Variants in AGBL1 observed in about 807,000 individuals in gnomAD.
The protein encoded by AGBL1 is AGBL carboxypeptidase 1.
AGBL1 carries 130 observed loss-of-function variants against 118.9 expected under a neutral mutation model. The ratio of observed to expected loss-of-function variants is 1.09; its 90% CI spans 0.95 to 1.26. The LOEUF (loss-of-function observed/expected upper bound fraction) is 1.26, where lower values mean the gene tolerates loss of function less well. Ranked by LOEUF, AGBL1 falls within the 50% of genes most tolerant of loss-of-function variation. The pLI is 0.00. For missense variants in AGBL1, 1,584 were observed against 1,298.1 expected (o/e 1.22, Z -3.38); for synonymous variants, 555 against 478.9 (o/e 1.16, Z -2.08).
chr15:86,637,657 C>T (rs1029970979), intron 21 of AGBL1, among the ~76,000 whole-genome samples: 72 of 151,966 alleles, frequency 4.7e-4, no homozygotes, highest in African/African-American at 1.7e-3. Context: ...AAGATGGTGG[C>T]TTGGAGTAGG....
chr15:86,961,925 T>A (rs565633376), intron 23 of AGBL1, among the ~76,000 whole-genome samples: 1 of 152,178 alleles, frequency 6.6e-6, no homozygotes, highest in African/African-American at 2.4e-5. Flanking sequence ...CCAGGGCTAC[T>A]AAATAGAAGG....
chr15:86,554,117 C>T (rs1297725551), intron 20 of AGBL1, among the ~76,000 whole-genome samples: 1 of 152,156 alleles, frequency 6.6e-6, no homozygotes, highest in Non-Finnish European at 1.5e-5. Context: ...GCCTCAACCT[C>T]CCAAAGTGCT....
At chr15:86,993,565 G>A (rs2081352508) in intron 24 of AGBL1, among the ~76,000 whole-genome samples, 1 of 152,158 alleles carries the variant, frequency 6.6e-6, no homozygotes, top group African/African-American at 2.4e-5. Context: ...TCTGAGGGGT[G>A]GGGTTGGTGT....
intron 6 of AGBL1, among the ~76,000 whole-genome samples, chr15:86,245,253 T>C (rs1215112205): frequency 6.6e-6 from 1 of 152,250 alleles, no homozygotes; most frequent in Non-Finnish European, 1.5e-5. Flanking sequence ...TGCACTCATA[T>C]GCACTCACAT....
At chr15:86,846,225 G>C (rs1020147201) in intron 22 of AGBL1, among the ~76,000 whole-genome samples, 1 of 152,128 alleles carries the variant, frequency 6.6e-6, no homozygotes, top group Non-Finnish European at 1.5e-5. Context: ...CTCAAGCTTT[G>C]ATTGTCTGGC....
rs949477591 is a variant in AGBL1 at position 87,005,288 on chromosome 15, C to A, written c.3323+17200C>A. Among the ~76,000 whole-genome samples, 6 of 152,312 alleles carry A rather than the reference C, an allele frequency of 3.9e-5. No homozygotes were observed. The East Asian group carries it at 7.7e-4, about 20-fold the overall frequency. On this transcript the variant is annotated intron_variant, in intron 24 of 24. Transcript: ENST00000441037. ...TGGATAATATCCTGCAGAGTGTTTT[C>A]CAACTTGGTTTCATTCTCCCTGTCA...
At chr15:86,635,478 A>G (rs2085067811) in intron 21 of AGBL1, among the ~76,000 whole-genome samples, 1 of 151,698 alleles carries the variant, frequency 6.6e-6, no homozygotes, top group South Asian at 2.1e-4. Context: ...TTAGAGGAAC[A>G]ACTCACTGTT....
chr15:86,621,316 C>T (rs2084800515), intron 21 of AGBL1, among the ~76,000 whole-genome samples: 1 of 152,190 alleles, frequency 6.6e-6, no homozygotes, highest in African/African-American at 2.4e-5. Flanking sequence ...TCTGCCGTTA[C>T]CAGCCCAAGA....
chr15:86,273,433 T>G (rs1379693237), intron 15 of AGBL1, among the ~76,000 whole-genome samples: 4 of 152,254 alleles, frequency 2.6e-5, no homozygotes, highest in African/African-American at 9.6e-5. Flanking sequence ...TAATGTAGTT[T>G]GTTTTATAAT....
At chr15:86,234,659 T>A (rs1368405684) in intron 6 of AGBL1, among the ~76,000 whole-genome samples, 2 of 151,932 alleles carry the variant, frequency 1.3e-5, no homozygotes, top group African/African-American at 4.8e-5. Context: ...CTGTGGCCAC[T>A]GTGGCATGTT....
At chr15:86,924,952 C>A (rs904599265) in intron 23 of AGBL1, among the ~76,000 whole-genome samples, 8 of 151,326 alleles carry the variant, frequency 5.3e-5, no homozygotes, top group Non-Finnish European at 1.0e-4. Flanking sequence ...AAAAATTAAA[C>A]TTAGCTGGGC....
At chr15:86,735,683 A>C (rs1242804263) in intron 22 of AGBL1, among the ~76,000 whole-genome samples, 1 of 132,248 alleles carries the variant, frequency 7.6e-6, no homozygotes. Flanking sequence ...ATTTGTCTGC[A>C]TACTGTCTCT....
intron 17 of AGBL1, among the ~76,000 whole-genome samples, chr15:86,390,911 C>T (rs2081270533): frequency 6.6e-6 from 1 of 151,636 alleles, no homozygotes; most frequent in African/African-American, 2.4e-5. Flanking sequence ...CTCAGGTGAT[C>T]TGCCTGCCTT....
chr15:86,998,724 A>G (rs907576288), intron 24 of AGBL1, among the ~76,000 whole-genome samples: 3 of 152,206 alleles, frequency 2.0e-5, no homozygotes, highest in Non-Finnish European at 4.4e-5. Context: ...TCATTCTGCA[A>G]AGTAAGGCTT....
chr15:86,808,636 TTTTC>T (rs1363038442), intron 22 of AGBL1, among the ~76,000 whole-genome samples: 1 of 145,772 alleles, frequency 6.9e-6, no homozygotes, highest in Non-Finnish European at 1.5e-5. Flanking sequence ...TCCTCCTTCC[TTTTC>T]TTTCCTTCCT....
intron 24 of AGBL1, among the ~76,000 whole-genome samples, chr15:87,013,496 C>A (rs779895263): frequency 6.6e-6 from 1 of 150,592 alleles, no homozygotes; most frequent in Admixed American, 6.7e-5. Flanking sequence ...CTCATTAGAG[C>A]AAAATAATAA....
At chr15:86,218,799 C>G (rs2078232157) in intron 5 of AGBL1, among the ~76,000 whole-genome samples, 2 of 152,276 alleles carry the variant, frequency 1.3e-5, no homozygotes, top group South Asian at 4.2e-4. Context: ...GGCCTTGGCA[C>G]TGCAAGGAAA....
chr15:86,687,218 A>G (rs1005964863), intron 22 of AGBL1, among the ~76,000 whole-genome samples: 3 of 152,160 alleles, frequency 2.0e-5, no homozygotes, highest in African/African-American at 7.2e-5. Context: ...TTTCAAGAGC[A>G]CACCTAGAAG....
Position 86,604,862 on chromosome 15 carries a change from C to A in AGBL1, c.2994+50325C>A, listed in dbSNP as rs959464753. ...CCAGGTTAGAGTACAATTATGTGAT[C>A]TCGGCTCACTGCAACCTCCGCCTCC... On this transcript the variant is annotated intron_variant, in intron 21 of 22. Transcript: ENST00000614907. Among the ~76,000 whole-genome samples the A allele has an allele frequency of 3.0e-5, 4 of 132,618 alleles. 1 individual carries two copies. Among genetic ancestry groups the A allele is most frequent in the African/African-American group, 1.1e-4 (4 of 34,800 alleles). 87.0% of individuals were successfully genotyped at this position (132,618 alleles called of 152,430 possible).
Sources: gnomAD v4.1 joint callset for allele counts (sites outside exome capture counted in the v4.1 genomes callset) on GRCh38, gnomAD v4.1.1 for gene constraint, MANE v1.5 for transcripts, NCBI Gene and HGNC (gene_info 2026-07-23, HGNC 2026-07-21) for gene names.